Variants in TMEM132E observed in about 807,000 individuals in gnomAD.
TMEM132E encodes the protein transmembrane protein 132E.
In TMEM132E, 49 loss-of-function variants were observed where a neutral mutation model predicts 78.5. That is an observed-to-expected ratio of 0.62 (90% CI 0.50 to 0.79). The LOEUF is 0.79. TMEM132E is among the 30% of genes least tolerant of loss of function. The probability of loss-of-function intolerance (pLI) is 0.00; values close to 1 mark genes in which losing one functional copy is unlikely to be tolerated. For synonymous variants in TMEM132E, 715 were observed against 670.6 expected, an observed-to-expected ratio of 1.07 and a Z score of -1.02; for missense variants, 1,403 against 1,470.9, an observed-to-expected ratio of 0.95 and a Z score of 0.75.
At chr17:34,594,113 A>G (rs1459241342) in intron 1 of TMEM132E, among the ~76,000 whole-genome samples, 1 of 152,044 alleles carries the variant, frequency 6.6e-6, no homozygotes, top group Non-Finnish European at 1.5e-5. Context: ...CCTTCACCTG[A>G]CATATGACAT....
At chr17:34,609,126 A>G (rs1482207383) in intron 1 of TMEM132E, among the ~76,000 whole-genome samples, 1 of 152,202 alleles carries the variant, frequency 6.6e-6, no homozygotes, top group Non-Finnish European at 1.5e-5. Flanking sequence ...GAATCACATT[A>G]AGCAGATGTG....
chr17:34,605,453 C>T (rs1055365637), intron 1 of TMEM132E, among the ~76,000 whole-genome samples: 1 of 152,104 alleles, frequency 6.6e-6, no homozygotes, highest in African/African-American at 2.4e-5. Flanking sequence ...GCCAGCCTCC[C>T]CCAAGTACCC....
At chr17:34,599,830 G>A (rs1906176556) in intron 1 of TMEM132E, among the ~76,000 whole-genome samples, 1 of 152,088 alleles carries the variant, frequency 6.6e-6, no homozygotes, top group Admixed American at 6.5e-5. Context: ...GGAGGGAGTG[G>A]GGAGGGGGCC....
chr17:34,630,240 C>T (rs371479044), intron 5 of TMEM132E, 89 bp downstream of exon 5: 27 of 1,414,168 alleles, frequency 1.9e-5, no homozygotes, highest in South Asian at 6.6e-5. Flanking sequence ...GTGGCTGACT[C>T]TTACTCATCC....
intron 1 of TMEM132E, among the ~76,000 whole-genome samples, chr17:34,622,692 C>T (rs900747509): frequency 2.6e-5 from 4 of 152,164 alleles, no homozygotes; most frequent in African/African-American, 9.7e-5. Context: ...GCTGCTTATT[C>T]AGAGAATTTC....
At chr17:34,589,135 T>A (rs957321019) in intron 1 of TMEM132E, among the ~76,000 whole-genome samples, 6 of 152,210 alleles carry the variant, frequency 3.9e-5, no homozygotes, top group African/African-American at 1.2e-4. Flanking sequence ...TTAATACCAA[T>A]GATCAGTTGA....
At chr17:34,618,443 G>A (rs1253010264) in intron 1 of TMEM132E, among the ~76,000 whole-genome samples, 2 of 149,536 alleles carry the variant, frequency 1.3e-5, no homozygotes, top group African/African-American at 5.0e-5. Flanking sequence ...TGTTGTCCAA[G>A]CTGGTCTCAA....
chr17:34,619,553 G>A (rs183407963), intron 1 of TMEM132E, among the ~76,000 whole-genome samples: 1 of 151,952 alleles, frequency 6.6e-6, no homozygotes, highest in East Asian at 1.9e-4. Context: ...GCCAGGCACT[G>A]TTCTAGGCTC....
At chr17:34,582,600 G>A (rs894979336) in intron 1 of TMEM132E, among the ~76,000 whole-genome samples, 15 of 152,210 alleles carry the variant, frequency 9.9e-5, no homozygotes, top group African/African-American at 3.6e-4. Context: ...GAGCCAGCAG[G>A]GGGGCGAGGG....
At chr17:34,596,102 C>T (rs1481140200) in intron 1 of TMEM132E, among the ~76,000 whole-genome samples, 2 of 151,728 alleles carry the variant, frequency 1.3e-5, no homozygotes, top group Non-Finnish European at 2.9e-5. Flanking sequence ...CCAGTGCAGG[C>T]CTCTGATTCC....
intron 1 of TMEM132E, among the ~76,000 whole-genome samples, chr17:34,583,763 A>G (rs1905574123): frequency 6.6e-6 from 1 of 152,192 alleles, no homozygotes; most frequent in Non-Finnish European, 1.5e-5. Context: ...CACATTCCCC[A>G]TCTTCCACAG....
At chr17:34,628,878 G>A in intron 3 of TMEM132E, 134 bp from the exon 4 acceptor site, 3 of 1,381,518 alleles carry the variant, frequency 2.2e-6, no homozygotes, top group South Asian at 2.9e-5. Context: ...CACCTCAGAT[G>A]GGCTGGAGAA....
chr17:34,583,716 G>A (rs188678992), intron 1 of TMEM132E, among the ~76,000 whole-genome samples: 7 of 152,332 alleles, frequency 4.6e-5, no homozygotes, highest in African/African-American at 1.7e-4. Flanking sequence ...GTCTGACTCT[G>A]GCGCCACCGG....
intron 1 of TMEM132E, among the ~76,000 whole-genome samples, chr17:34,588,576 C>T (rs922728240): frequency 2.0e-5 from 3 of 152,094 alleles, no homozygotes; most frequent in Non-Finnish European, 2.9e-5. Flanking sequence ...TTGTAGTCAG[C>T]GCACACAACA....
At chr17:34,594,610 T>C (rs1905992320) in intron 1 of TMEM132E, among the ~76,000 whole-genome samples, 2 of 152,078 alleles carry the variant, frequency 1.3e-5, no homozygotes, top group African/African-American at 4.8e-5. Context: ...TGTTTTTTTG[T>C]TTGTTTGTTT....
chr17:34,619,079 T>C lies in TMEM132E; in HGVS notation c.68-7048T>C, dbSNP rs889948986. Among the ~76,000 whole-genome samples, 14 of 152,184 alleles carry C rather than the reference T, an allele frequency of 9.2e-5. No homozygotes were observed. In the East Asian group the frequency reaches 2.3e-3, roughly 25 times the overall value. ...ACTCCTGTGGTCCTCCAGGTCTGGG[T>C]TGGGGTGGGGTTGCTGGGCAGAGCC... On this transcript the variant is annotated intron_variant, in intron 1 of 8. Transcript: ENST00000631683.
rs114695251 is a variant in TMEM132E, at chr17:34,636,760, G to T, written c.2170-417G>T. On this transcript the variant is annotated intron_variant, in intron 8 of 8. Coordinates refer to ENST00000631683, the MANE Select transcript of TMEM132E (RefSeq NM_001304438.2). ...AGAAGGTTTTAGCCAACAGGCAGAA[G>T]TGGGGAGGGGGTGTGTATTCTCAAC... Among the ~76,000 whole-genome samples, 673 of 152,376 alleles carry T rather than the reference G, an allele frequency of 4.4e-3. 6 individuals are homozygous for T. The highest frequency in any genetic ancestry group is 0.015 in the African/African-American group (610 of 41,594).
chr17:34,582,101 C>A (rs567012900), intron 1 of TMEM132E, among the ~76,000 whole-genome samples: 6 of 150,236 alleles, frequency 4.0e-5, no homozygotes, highest in African/African-American at 9.8e-5. Context: ...TCCCTCCTAA[C>A]GTGAAACCAG....
chr17:34,614,239 C>A (rs540051389), intron 1 of TMEM132E, among the ~76,000 whole-genome samples: 2 of 152,142 alleles, frequency 1.3e-5, no homozygotes, highest in Non-Finnish European at 2.9e-5. Flanking sequence ...GCTGCACAGC[C>A]GCTGGCCAAC....
Sources: gnomAD v4.1 joint callset for allele counts (sites outside exome capture counted in the v4.1 genomes callset) on GRCh38, gnomAD v4.1.1 for gene constraint, MANE v1.5 for transcripts, NCBI Gene and HGNC (gene_info 2026-07-23, HGNC 2026-07-21) for gene names.